The following GPC5 variants were observed in gnomAD, a reference collection of about 807,000 sequenced individuals.
GPC5 encodes glypican-5.
In GPC5, 47 loss-of-function variants were observed where a neutral mutation model predicts 53.9. That is an observed-to-expected ratio of 0.87 (90% confidence interval 0.69 to 1.11). The LOEUF (loss-of-function observed/expected upper bound fraction) is 1.11, where lower values mean the gene tolerates loss of function less well. Among genes scored for constraint, GPC5 ranks in the 50% most tolerant of loss-of-function variants. The probability of loss-of-function intolerance (pLI) is 0.00; values close to 1 mark genes in which losing one functional copy is unlikely to be tolerated. For synonymous variants in GPC5, 286 were observed against 263.3 expected (o/e 1.09, Z -0.84); for missense variants, 748 against 713.1 (o/e 1.05, Z -0.56).
intron 2 of GPC5, among the ~76,000 whole-genome samples, chr13:91,674,786 T>TA (rs2035343303): frequency 6.6e-6 from 1 of 151,300 alleles, no homozygotes; most frequent in Non-Finnish European, 1.5e-5. Context: ...AATCTATTTT[T>TA]AGACATTAAA....
chr13:91,729,487 C>CT (rs1390752828), intron 4 of GPC5, among the ~76,000 whole-genome samples: 1 of 152,016 alleles, frequency 6.6e-6, no homozygotes, highest in Non-Finnish European at 1.5e-5. Context: ...TCTAATAATA[C>CT]TCTATGAATA....
intron 5 of GPC5, among the ~76,000 whole-genome samples, chr13:91,782,235 A>G (rs1594558506): frequency 6.6e-6 from 1 of 152,180 alleles, no homozygotes; most frequent in Non-Finnish European, 1.5e-5. Context: ...CAGAAAAGAG[A>G]AACCCTCTAC....
At position 92,487,884 on chromosome 13, in the gene GPC5, A is replaced by C. The variant is rs1358235194; in HGVS notation, c.1561+342895A>C. ...AAGAAAGTAAAACCTATGCTATTAC[A>C]GGCCAGGAGAGCAGATCCCTTTGAT... On this transcript the variant is annotated intron_variant, in intron 7 of 7. Transcript: ENST00000377067. 2.0e-5 allele frequency among the ~76,000 whole-genome samples: 3 copies of C among 151,794 alleles called. No individual in the cohort carries two copies. In the East Asian group the frequency reaches 5.8e-4, roughly 29 times the overall value.
intron 6 of GPC5, among the ~76,000 whole-genome samples, chr13:92,113,836 A>C (rs978017750): frequency 6.9e-6 from 1 of 144,432 alleles, no homozygotes; most frequent in African/African-American, 2.9e-5. Flanking sequence ...CAAAAAAAAC[A>C]AAAAAAAGCC....
intron 6 of GPC5, among the ~76,000 whole-genome samples, chr13:92,082,164 A>G (rs2041300873): frequency 6.6e-6 from 1 of 151,934 alleles, no homozygotes. Flanking sequence ...CTAGTACTGA[A>G]TTATGATATA....
At chr13:92,104,530 G>A (rs2041492732) in intron 6 of GPC5, among the ~76,000 whole-genome samples, 1 of 152,084 alleles carries the variant, frequency 6.6e-6, no homozygotes, top group South Asian at 2.1e-4. Context: ...TCAGATACAT[G>A]CCCCATTTAT....
chr13:92,715,531 A>T (rs970528531), intron 7 of GPC5, among the ~76,000 whole-genome samples: 1 of 152,242 alleles, frequency 6.6e-6, no homozygotes, highest in Non-Finnish European at 1.5e-5. Flanking sequence ...ACAGAGAATT[A>T]ACAATTAACA....
At chr13:91,825,445 T>C (rs572442364) in intron 5 of GPC5, among the ~76,000 whole-genome samples, 1 of 152,262 alleles carries the variant, frequency 6.6e-6, no homozygotes, top group East Asian at 1.9e-4. Context: ...TGTCCGTTTT[T>C]ATAGATTGAA....
intron 6 of GPC5, among the ~76,000 whole-genome samples, chr13:92,037,995 G>C (rs2040907450): frequency 6.6e-6 from 1 of 152,052 alleles, no homozygotes; most frequent in African/African-American, 2.4e-5. Context: ...CGTGATAAGG[G>C]TAGATACAGA....
intron 3 of GPC5, among the ~76,000 whole-genome samples, chr13:91,709,654 T>C (rs1665926203): frequency 6.6e-6 from 1 of 152,220 alleles, no homozygotes; most frequent in South Asian, 2.1e-4. Context: ...AACTTCTCTT[T>C]TACAGCATTT....
intron 7 of GPC5, among the ~76,000 whole-genome samples, chr13:92,629,425 T>G (rs1885162320): frequency 6.6e-6 from 1 of 152,158 alleles, no homozygotes. Flanking sequence ...GGGGGATTAT[T>G]TCATTTGTTC....
At chr13:92,009,922 G>T (rs113408751) in intron 6 of GPC5, among the ~76,000 whole-genome samples, 4,564 of 151,920 alleles carry the variant, frequency 0.03, 231 homozygotes, top group African/African-American at 0.1. Context: ...ATATCATGAG[G>T]GTATATAGTC....
intron 7 of GPC5, among the ~76,000 whole-genome samples, chr13:92,151,095 A>C (rs912445365): frequency 4.6e-5 from 7 of 152,096 alleles, no homozygotes; most frequent in Admixed American, 2.0e-4. Flanking sequence ...TGGTAGAAAG[A>C]AATTAGGTAT....
chr13:91,740,455 T>A (rs756183585), intron 4 of GPC5, among the ~76,000 whole-genome samples: 1 of 152,192 alleles, frequency 6.6e-6, no homozygotes, highest in African/African-American at 2.4e-5. Context: ...TGTGCTAAGC[T>A]CCTTTGTGGA....
chr13:92,698,792 AG>A (rs1312083286), intron 7 of GPC5, among the ~76,000 whole-genome samples: 1 of 152,170 alleles, frequency 6.6e-6, no homozygotes, highest in African/African-American at 2.4e-5. Flanking sequence ...ACAGTGTAAA[AG>A]TGTTCCTGTT....
intron 5 of GPC5, among the ~76,000 whole-genome samples, chr13:91,887,393 T>G (rs1488297232): frequency 1.3e-5 from 2 of 152,174 alleles, no homozygotes; most frequent in African/African-American, 4.8e-5. Context: ...AGAGCTGCTG[T>G]GAAGGTGTGA....
chr13:91,991,124 A>G (rs1357782828), intron 6 of GPC5, among the ~76,000 whole-genome samples: 1 of 152,232 alleles, frequency 6.6e-6, no homozygotes, highest in African/African-American at 2.4e-5. Context: ...AGCCTAATGA[A>G]GACACAACTA....
chr13:92,115,199 CACCAAAATTAAAA>C lies in GPC5; in HGVS notation c.1402-29630_1402-29618del, dbSNP rs552254945. The stretch of plus-strand genomic sequence containing the variant: ...GATAAATGCATAGTCATGTAACCAC[CACCAAAATTAAAA>C]TTTAAAACAATTCTGGCCAGGTGTG... On this transcript the variant is annotated intron_variant, in intron 6 of 7. Coordinates refer to ENST00000377067, the MANE Select transcript of GPC5 (RefSeq NM_004466.6). Among the ~76,000 whole-genome samples the C allele has an allele frequency of 4.7e-3, 708 of 152,246 alleles. 1 individual carries two copies. Among genetic ancestry groups the C allele is most frequent in the Non-Finnish European group, 6.8e-3 (463 of 68,010 alleles).
chr13:91,838,088 T>C (rs890652031), intron 5 of GPC5, among the ~76,000 whole-genome samples: 3 of 152,014 alleles, frequency 2.0e-5, no homozygotes, highest in Non-Finnish European at 4.4e-5. Context: ...TATTTAAGAG[T>C]TGATTGTTGT....
Sources: gnomAD v4.1 joint callset for allele counts (sites outside exome capture counted in the v4.1 genomes callset) on GRCh38, gnomAD v4.1.1 for gene constraint, MANE v1.5 for transcripts, NCBI Gene and HGNC (gene_info 2026-07-23, HGNC 2026-07-21) for gene names.